Variants in STK10 observed in about 807,000 individuals in gnomAD.
The protein encoded by STK10 is serine/threonine-protein kinase 10.
STK10 carries 78 observed loss-of-function variants against 113.8 expected under a neutral mutation model. The ratio of observed to expected loss-of-function variants is 0.69; its 90% CI spans 0.57 to 0.83. The LOEUF is 0.83. Among genes scored for constraint, STK10 ranks in the 40% least tolerant of loss-of-function variants. The probability of loss-of-function intolerance (pLI) is 0.00; values close to 1 mark genes in which losing one functional copy is unlikely to be tolerated. For synonymous variants in STK10, 465 were observed against 494.7 expected (o/e 0.94, Z 0.80); for missense variants, 1,109 against 1,280.1 (o/e 0.87, Z 2.04).
At chr5:172,118,708 G>C (rs564465074) in intron 3 of STK10, among the ~76,000 whole-genome samples, 1 of 151,818 alleles carries the variant, frequency 6.6e-6, no homozygotes, top group African/African-American at 2.4e-5. Context: ...ATGAAACCTT[G>C]TCTCTACTAA....
intron 2 of STK10, among the ~76,000 whole-genome samples, chr5:172,155,248 A>G (rs1241045541): frequency 6.6e-6 from 1 of 152,188 alleles, no homozygotes; most frequent in Non-Finnish European, 1.5e-5. Context: ...CTGTAATCCC[A>G]GCATTTTGGG....
Position 172,150,164 on chromosome 5 carries a change from A to G in STK10, c.321+6460T>C, listed in dbSNP as rs548428841. Reference sequence around the variant, plus strand: ...AAAGGAAGCTCATCTCGGGTCACACAGCCAGTTGGTCCCAGGCAGAACTCA... The same window carrying G: ...AAAGGAAGCTCATCTCGGGTCACACGGCCAGTTGGTCCCAGGCAGAACTCA... On this transcript the variant is annotated intron_variant, in intron 2 of 18. Transcript: ENST00000176763. 2.6e-5 allele frequency among the ~76,000 whole-genome samples: 4 copies of G among 151,870 alleles called. No homozygotes were observed. In the East Asian group the frequency reaches 7.8e-4, roughly 30 times the overall value.
intron 12 of STK10, among the ~76,000 whole-genome samples, chr5:172,074,235 A>G (rs983318220): frequency 3.3e-5 from 5 of 152,196 alleles, no homozygotes; most frequent in Admixed American, 6.5e-5. Flanking sequence ...TAGAATGGCC[A>G]AACAACTTTA....
chr5:172,157,227 T>C (rs756189182), intron 1 of STK10, among the ~76,000 whole-genome samples: 1 of 151,902 alleles, frequency 6.6e-6, no homozygotes, highest in Non-Finnish European at 1.5e-5. Context: ...GGGCCAGAAA[T>C]AGGGAGGCAT....
At chr5:172,132,551 T>C (rs899657765) in intron 2 of STK10, among the ~76,000 whole-genome samples, 4 of 152,136 alleles carry the variant, frequency 2.6e-5, no homozygotes, top group African/African-American at 9.7e-5. Context: ...CTCTAAGCCC[T>C]GATCAAGTCC....
intron 13 of STK10, chr5:172,061,478 G>A (rs2113702747): frequency 1.8e-6 from 1 of 557,774 alleles, no homozygotes; most frequent in South Asian, 2.3e-5. Flanking sequence ...TCAAAGAACA[G>A]TCTCGGTCTG....
intron 2 of STK10, among the ~76,000 whole-genome samples, chr5:172,132,489 T>C (rs1769775744): frequency 6.6e-6 from 1 of 152,018 alleles, no homozygotes; most frequent in South Asian, 2.1e-4. Context: ...AGTGGTCCAG[T>C]CCCCTGCTTC....
intron 1 of STK10, among the ~76,000 whole-genome samples, chr5:172,169,724 T>C (rs1044770163): frequency 6.6e-6 from 1 of 152,152 alleles, no homozygotes; most frequent in Non-Finnish European, 1.5e-5. Flanking sequence ...GCCTCTCTCC[T>C]TCCTTCAATC....
intron 1 of STK10, among the ~76,000 whole-genome samples, chr5:172,169,173 A>T (rs1039666718): frequency 6.6e-6 from 1 of 152,012 alleles, no homozygotes; most frequent in Non-Finnish European, 1.5e-5. Flanking sequence ...CACCTCCCCG[A>T]CTAGAATCTC....
chr5:172,107,022 G>A, intron 5 of STK10: 2 of 388,852 alleles, frequency 5.1e-6, no homozygotes, highest in East Asian at 5.7e-5. Flanking sequence ...ACGTCCTGCT[G>A]CAGTTCCGAT....
chr5:172,180,973 T>C (rs778980092), intron 1 of STK10, among the ~76,000 whole-genome samples: 1 of 152,202 alleles, frequency 6.6e-6, no homozygotes, highest in South Asian at 2.1e-4. Flanking sequence ...TGGTTACATA[T>C]AGAAACAGCA....
chr5:172,122,953 C>T (rs1027808564), intron 3 of STK10, among the ~76,000 whole-genome samples: 2 of 152,296 alleles, frequency 1.3e-5, no homozygotes, highest in South Asian at 4.1e-4. Context: ...GCCAGCAAGG[C>T]ATGGCCAACC....
At chr5:172,149,906 G>C (rs1399118414) in intron 2 of STK10, among the ~76,000 whole-genome samples, 1 of 151,938 alleles carries the variant, frequency 6.6e-6, no homozygotes, top group Non-Finnish European at 1.5e-5. Flanking sequence ...AATTAGCTGG[G>C]TGTGGTGGCA....
intron 2 of STK10, among the ~76,000 whole-genome samples, chr5:172,149,360 TC>T (rs759493086): frequency 1.3e-5 from 2 of 152,088 alleles, no homozygotes; most frequent in East Asian, 3.9e-4. Flanking sequence ...GCTGCCAGCC[TC>T]CTCCCCCACT....
At chr5:172,072,999 G>A (rs1768230836) in intron 12 of STK10, among the ~76,000 whole-genome samples, 1 of 152,056 alleles carries the variant, frequency 6.6e-6, no homozygotes, top group African/African-American at 2.4e-5. Context: ...TTCCAAGTTG[G>A]GTTTTACTTT....
intron 2 of STK10, among the ~76,000 whole-genome samples, chr5:172,142,364 T>G (rs1275478211): frequency 6.6e-6 from 1 of 152,244 alleles, no homozygotes; most frequent in Non-Finnish European, 1.5e-5. Flanking sequence ...ACCAAAGTGC[T>G]GTGCCAAGTT....
At chr5:172,097,082 A>G (rs1297080380) in intron 7 of STK10, among the ~76,000 whole-genome samples, 1 of 152,260 alleles carries the variant, frequency 6.6e-6, no homozygotes, top group Non-Finnish European at 1.5e-5. Flanking sequence ...CTTGTTGCCC[A>G]GGCTGGAAGG....
At chr5:172,116,294 C>G (rs1769382516) in intron 4 of STK10, among the ~76,000 whole-genome samples, 2 of 152,032 alleles carry the variant, frequency 1.3e-5, no homozygotes, top group South Asian at 4.1e-4. Flanking sequence ...GTTGGCCAGG[C>G]TGGTCCTGAA....
At chr5:172,139,504 A>AG (rs1769932455) in intron 2 of STK10, among the ~76,000 whole-genome samples, 1 of 151,854 alleles carries the variant, frequency 6.6e-6, no homozygotes, top group Admixed American at 6.6e-5. Context: ...AAAAAAAAAA[A>AG]AAAAAGAAAA....
Sources: gnomAD v4.1 joint callset for allele counts (sites outside exome capture counted in the v4.1 genomes callset) on GRCh38, gnomAD v4.1.1 for gene constraint, MANE v1.5 for transcripts, NCBI Gene and HGNC (gene_info 2026-07-23, HGNC 2026-07-21) for gene names.